Variants in DYNAP observed in about 807,000 individuals in gnomAD.
DYNAP encodes the protein dynactin associated protein.
Under a neutral mutation model 8.5 loss-of-function variants are expected in DYNAP, and 7 were observed. The ratio of observed to expected loss-of-function variants is 0.82; its 90% CI spans 0.47 to 1.54. The LOEUF is 1.54. Among genes scored for constraint, DYNAP ranks in the 40% most tolerant of loss-of-function variants. DYNAP has a pLI of 0.01. For synonymous variants in DYNAP, 77 were observed against 77.9 expected (o/e 0.99, Z 0.06); for missense variants, 256 against 224.3 (o/e 1.14, Z -0.90).
the DYNAP span, among the ~76,000 whole-genome samples, chr18:54,579,089 G>T: frequency 6.6e-6 from 1 of 152,102 alleles, no homozygotes; most frequent in Admixed American, 6.6e-5. Flanking sequence ...GTGAGCCACC[G>T]CGCCCGGCCA....
chr18:54,579,933 A>G, the DYNAP span, among the ~76,000 whole-genome samples: 1 of 152,206 alleles, frequency 6.6e-6, no homozygotes, highest in East Asian at 1.9e-4. Flanking sequence ...GCACTCTAAA[A>G]ATTTTACTTC....
the DYNAP span, among the ~76,000 whole-genome samples, chr18:54,577,499 T>A: frequency 2.7e-5 from 4 of 150,418 alleles, no homozygotes; most frequent in Non-Finnish European, 4.4e-5. Flanking sequence ...GAGGGTTGCT[T>A]ATGTCCGGGA....
chr18:54,585,457 C>G (rs939079745), upstream of DYNAP, among the ~76,000 whole-genome samples: 1 of 152,108 alleles, frequency 6.6e-6, no homozygotes, highest in Non-Finnish European at 1.5e-5. Context: ...TACTTTCCCC[C>G]AGTGCCTTGC....
chr18:54,589,110 A>C (rs1910976434), upstream of DYNAP, among the ~76,000 whole-genome samples: 1 of 152,140 alleles, frequency 6.6e-6, no homozygotes, highest in African/African-American at 2.4e-5. Flanking sequence ...CAGGTAAGAA[A>C]ATTTTTGAGT....
rs9947055 is a variant in DYNAP at position 54,598,077 on chromosome 18, A to C, written c.487A>C (p.Thr163Pro). 0.54 allele frequency: 869,682 copies of C among 1,612,788 alleles called. 236,261 individuals carry two copies. Among genetic ancestry groups the C allele is most frequent in the East Asian group, 0.7 (31,436 of 44,804 alleles). The change falls in exon 3 of 3, where the codon ACT (threonine) becomes CCT (proline). Residue 163 changes from threonine to proline, a missense_variant. Thr to Pro is a conservative substitution (Grantham distance 38). Coordinates refer to ENST00000648945, the MANE Select transcript of DYNAP (RefSeq NM_173629.3). ...TGCAAGTACAGCCACTGAATCTACAACTTCAACAGCTACAGCTGCCACCAC... is the reference window on the plus strand; with the variant it reads ...TGCAAGTACAGCCACTGAATCTACACCTTCAACAGCTACAGCTGCCACCAC... ...VPASTATEST[T>P]STATAATTST... is the part of the protein sequence containing the mutation.
the DYNAP span, among the ~76,000 whole-genome samples, chr18:54,576,166 T>A: frequency 6.6e-6 from 1 of 152,228 alleles, no homozygotes; most frequent in Non-Finnish European, 1.5e-5. Context: ...CATTTATGGG[T>A]ATTTGGATTA....
chr18:54,577,065 C>T, the DYNAP span, among the ~76,000 whole-genome samples: 103 of 152,068 alleles, frequency 6.8e-4, no homozygotes, highest in African/African-American at 2.3e-3. Flanking sequence ...CCTACAAATG[C>T]CTTAATTTTA....
chr18:54,588,869 G>A (rs1304116396), upstream of DYNAP, among the ~76,000 whole-genome samples: 1 of 152,124 alleles, frequency 6.6e-6, no homozygotes, highest in Middle Eastern at 3.4e-3. Flanking sequence ...ATTTTGACAG[G>A]GCAGTTTGGA....
At chr18:54,577,336 C>T in the DYNAP span, among the ~76,000 whole-genome samples, 1 of 151,992 alleles carries the variant, frequency 6.6e-6, no homozygotes, top group African/African-American at 2.4e-5. Context: ...CCTATAATCT[C>T]AACAGTTTGA....
chr18:54,592,443 T>A (rs1286943236), intron 1 of DYNAP, among the ~76,000 whole-genome samples: 2 of 150,398 alleles, frequency 1.3e-5, no homozygotes, highest in East Asian at 3.8e-4. Flanking sequence ...GGCATAGATA[T>A]AACTATATTT....
chr18:54,578,961 G>T, the DYNAP span, among the ~76,000 whole-genome samples: 3 of 151,840 alleles, frequency 2.0e-5, no homozygotes, highest in Admixed American at 2.0e-4. Context: ...CACCATGCCC[G>T]GCTAATTTTT....
chr18:54,589,901 C>G (rs1911004883), upstream of DYNAP, among the ~76,000 whole-genome samples: 1 of 152,024 alleles, frequency 6.6e-6, no homozygotes, highest in Non-Finnish European at 1.5e-5. Context: ...TTATTGACAC[C>G]TTCAACCCAT....
the DYNAP span, among the ~76,000 whole-genome samples, chr18:54,577,680 T>G: frequency 6.7e-6 from 1 of 148,424 alleles, no homozygotes; most frequent in Non-Finnish European, 1.5e-5. Flanking sequence ...AGAGTTGAAG[T>G]CTAAGAAAGT....
the DYNAP span, among the ~76,000 whole-genome samples, chr18:54,581,220 T>C: frequency 2.6e-5 from 4 of 152,230 alleles, no homozygotes; most frequent in Non-Finnish European, 5.9e-5. Context: ...ACCACAGTTG[T>C]TAGAATTAAT....
upstream of DYNAP, among the ~76,000 whole-genome samples, chr18:54,584,015 G>T (rs947084339): frequency 7.3e-5 from 11 of 151,618 alleles, no homozygotes; most frequent in Non-Finnish European, 1.3e-4. Flanking sequence ...GTATAAGTAG[G>T]GTGAAAGAAA....
At chr18:54,585,924 A>T (rs747129495), upstream of DYNAP, among the ~76,000 whole-genome samples, 10 of 151,976 alleles carry the variant, frequency 6.6e-5, no homozygotes, top group Non-Finnish European at 1.3e-4. Flanking sequence ...TGCACTGCCC[A>T]CTGTACACCG....
rs1173545678 is a variant in DYNAP, at chr18:54,599,373, G to A, written c.*1228G>A. 1.3e-5 allele frequency: 2 copies of A among 151,986 alleles called. No individual in the cohort carries two copies. Among genetic ancestry groups the A allele is most frequent in the Non-Finnish European group, 2.9e-5 (2 of 67,962 alleles). The allele number at this position is 151,986 out of a possible 1,614,324, so 9.4% of individuals were successfully genotyped here. Reference sequence around the variant, plus strand: ...TTAAGTTAACTTTTAGTTATCACCAGTAATACTAGCCTACAACTACTCGCC... The same window carrying A: ...TTAAGTTAACTTTTAGTTATCACCAATAATACTAGCCTACAACTACTCGCC... On this transcript the variant is annotated 3_prime_UTR_variant, in exon 3 of 3. Transcript: ENST00000648945.
At chr18:54,593,635 A>C (rs1310766589) in intron 1 of DYNAP, among the ~76,000 whole-genome samples, 2 of 152,128 alleles carry the variant, frequency 1.3e-5, no homozygotes, top group Non-Finnish European at 2.9e-5. Context: ...ATATGTAACA[A>C]AACTTTTGGC....
chr18:54,581,552 C>T, the DYNAP span, among the ~76,000 whole-genome samples: 5 of 152,150 alleles, frequency 3.3e-5, no homozygotes, highest in Middle Eastern at 3.2e-3. Flanking sequence ...AGTAAACCAA[C>T]GAAAGCATTC....
Sources: allele counts gnomAD v4.1 joint callset (sites outside exome capture counted in the v4.1 genomes callset), GRCh38; gene constraint gnomAD v4.1.1; transcripts MANE v1.5; gene names NCBI Gene and HGNC (gene_info 2026-07-23, HGNC 2026-07-21).